WWC1: variants seen among roughly 807,000 people sequenced by gnomAD.
WWC1 encodes WW and C2 domain containing 1, also known as protein KIBRA.
Under a neutral mutation model 138.4 loss-of-function variants are expected in WWC1, and 55 were observed. The observed-to-expected ratio is 0.40, with a 90% CI of 0.32 to 0.50. WWC1 has a LOEUF of 0.50. Among genes scored for constraint, WWC1 ranks in the 20% least tolerant of loss-of-function variants. The pLI is 0.72. For missense variants in WWC1, 1,226 were observed against 1,420.4 expected (o/e 0.86, Z 2.20); for synonymous variants, 524 against 564.9 (o/e 0.93, Z 1.03).
At chr5:168,335,853 G>A (rs767783352) in intron 1 of WWC1, among the ~76,000 whole-genome samples, 19 of 152,220 alleles carry the variant, frequency 1.2e-4, no homozygotes, top group Non-Finnish European at 2.5e-4. Context: ...GAGGCTTAGA[G>A]AAATTAATTA....
At chr5:168,462,107 T>C (rs796370588) in intron 20 of WWC1, among the ~76,000 whole-genome samples, 37 of 149,998 alleles carry the variant, frequency 2.5e-4, no homozygotes, top group African/African-American at 7.1e-4. Context: ...AAAGAGAACA[T>C]GGATGGAAAA....
At chr5:168,441,637 C>G (rs1194581409) in intron 15 of WWC1, 45 bp from the exon 16 acceptor site, 1 of 1,585,514 alleles carries the variant, frequency 6.3e-7, no homozygotes, top group Non-Finnish European at 8.6e-7. Flanking sequence ...CACCTGGTGT[C>G]CCCCCCACCG....
intron 17 of WWC1, among the ~76,000 whole-genome samples, chr5:168,452,698 A>C (rs141824890): frequency 6.6e-6 from 1 of 152,208 alleles, no homozygotes; most frequent in Admixed American, 6.5e-5. Flanking sequence ...AAGAAGCTTT[A>C]TTCATACTTG....
At chr5:168,332,651 A>G (rs1773130307) in intron 1 of WWC1, among the ~76,000 whole-genome samples, 1 of 152,050 alleles carries the variant, frequency 6.6e-6, no homozygotes, top group African/African-American at 2.4e-5. Flanking sequence ...GAGGAGGGAA[A>G]AGTTTCTTGT....
chr5:168,305,255 A>G (rs559171617), intron 1 of WWC1, among the ~76,000 whole-genome samples: 1 of 151,970 alleles, frequency 6.6e-6, no homozygotes, highest in East Asian at 1.9e-4. Flanking sequence ...GGCATGAGCC[A>G]CTGCGCCTGG....
intron 17 of WWC1, among the ~76,000 whole-genome samples, chr5:168,445,996 C>CTGG (rs1755225401): frequency 6.6e-6 from 1 of 152,010 alleles, no homozygotes; most frequent in Non-Finnish European, 1.5e-5. Context: ...TTTCATTGGC[C>CTGG]AAGCTTAGCC....
At chr5:168,304,983 G>A (rs941197919) in intron 1 of WWC1, among the ~76,000 whole-genome samples, 50 of 151,984 alleles carry the variant, frequency 3.3e-4, no homozygotes, top group Admixed American at 2.0e-3. Context: ...GTGCCACCAT[G>A]CCCAGCTAAT....
At chr5:168,465,877 T>C (rs1463398739) in intron 21 of WWC1, among the ~76,000 whole-genome samples, 1 of 152,046 alleles carries the variant, frequency 6.6e-6, no homozygotes, top group Non-Finnish European at 1.5e-5. Context: ...CTTTGACAGG[T>C]TTGCATGCAG....
intron 15 of WWC1, among the ~76,000 whole-genome samples, chr5:168,431,997 A>G (rs1781985885): frequency 6.7e-6 from 1 of 149,750 alleles, no homozygotes; most frequent in Admixed American, 6.7e-5. Context: ...AGCTGCAATG[A>G]GCTGATCATG....
At chr5:168,371,370 C>T (rs1776738384) in intron 1 of WWC1, 54 bp from the exon 2 acceptor site, 6 of 1,376,586 alleles carry the variant, frequency 4.4e-6, no homozygotes, top group East Asian at 2.3e-5. Context: ...CAGCAGGTTG[C>T]AGGCATTTGG....
chr5:168,340,933 A>G (rs2059089), intron 1 of WWC1, among the ~76,000 whole-genome samples: 97,061 of 151,966 alleles, frequency 0.64, 31,983 homozygotes, highest in East Asian at 0.82. Flanking sequence ...TCACACAGCA[A>G]ATAAGTAACA....
chr5:168,332,650 A>G (rs1323218898), intron 1 of WWC1, among the ~76,000 whole-genome samples: 2 of 152,136 alleles, frequency 1.3e-5, no homozygotes, highest in African/African-American at 2.4e-5. Context: ...TGAGGAGGGA[A>G]AAGTTTCTTG....
At chr5:168,449,309 A>G (rs1755581248) in intron 17 of WWC1, among the ~76,000 whole-genome samples, 1 of 152,218 alleles carries the variant, frequency 6.6e-6, no homozygotes, top group African/African-American at 2.4e-5. Context: ...GACTCCCGTA[A>G]TGGTTGAGCA....
At chr5:168,339,899 CTCTCTCTTTCTCTCTCTCTCTCTCTT>C (rs1179468245) in intron 1 of WWC1, among the ~76,000 whole-genome samples, 3 of 82,640 alleles carry the variant, frequency 3.6e-5, no homozygotes, top group East Asian at 5.0e-4. Context: ...CTCTCTGTCT[CTCTCTCTTTCTCTCTCTCTCTCTCTT>C]TCTCTCTTTC....
chr5:168,293,337 C>T (rs1233786391), intron 1 of WWC1, among the ~76,000 whole-genome samples: 1 of 152,060 alleles, frequency 6.6e-6, no homozygotes, highest in South Asian at 2.1e-4. Context: ...GGGGTCAGGT[C>T]CCTGTAAAGC....
At chr5:168,415,654 A>G (rs1429481927) in intron 9 of WWC1, 1 of 152,134 alleles carries the variant, frequency 6.6e-6, no homozygotes, top group East Asian at 1.9e-4. Flanking sequence ...GCACTCAGAA[A>G]TTAACAAGAC....
intron 2 of WWC1, among the ~76,000 whole-genome samples, chr5:168,380,176 C>T (rs1463314155): frequency 5.3e-5 from 8 of 152,162 alleles, no homozygotes; most frequent in Non-Finnish European, 8.8e-5. Flanking sequence ...CTGGCACAGT[C>T]GCTCATGCCT....
At chr5:168,389,849 AC>A (rs1164650568) in intron 3 of WWC1, among the ~76,000 whole-genome samples, 1 of 151,990 alleles carries the variant, frequency 6.6e-6, no homozygotes, top group Non-Finnish European at 1.5e-5. Context: ...CTTGTTCTGT[AC>A]CCACTAGCTG....
intron 1 of WWC1, among the ~76,000 whole-genome samples, chr5:168,300,441 A>AC (rs573101352): frequency 1.2e-3 from 131 of 108,006 alleles, no homozygotes; most frequent in Non-Finnish European, 2.0e-3. Context: ...CATTCTCCCC[A>AC]CCCCCCACCC....
Sources: gnomAD v4.1 joint callset for allele counts (sites outside exome capture counted in the v4.1 genomes callset) on GRCh38, gnomAD v4.1.1 for gene constraint, MANE v1.5 for transcripts, NCBI Gene and HGNC (gene_info 2026-07-23, HGNC 2026-07-21) for gene names.